MEI4: variants seen among roughly 807,000 people sequenced by gnomAD.
MEI4 encodes meiotic double-stranded break formation protein 4.
MEI4 carries 27 observed loss-of-function variants against 31.4 expected under a neutral mutation model. The ratio of observed to expected loss-of-function variants is 0.86; its 90% CI spans 0.63 to 1.19. MEI4 has a LOEUF of 1.19. Ranked by LOEUF, MEI4 falls within the 50% of genes most tolerant of loss-of-function variation. The probability of loss-of-function intolerance (pLI) is 0.00; values close to 1 mark genes in which losing one functional copy is unlikely to be tolerated. For missense variants in MEI4, 329 were observed against 398.9 expected, an observed-to-expected ratio of 0.82 and a Z score of 1.49; for synonymous variants, 122 against 145.4, an observed-to-expected ratio of 0.84 and a Z score of 1.16.
At chr6:77,840,649 G>C (rs1770335732) in intron 4 of MEI4, among the ~76,000 whole-genome samples, 1 of 151,692 alleles carries the variant, frequency 6.6e-6, no homozygotes, top group Admixed American at 6.6e-5. Context: ...TTAGATTCAT[G>C]GGGTACATGT....
At chr6:77,687,564 A>C (rs983066381) in intron 1 of MEI4, among the ~76,000 whole-genome samples, 9 of 152,128 alleles carry the variant, frequency 5.9e-5, no homozygotes, top group African/African-American at 2.2e-4. Context: ...TTTAAATGCC[A>C]GTTGCAGGTA....
At chr6:77,735,167 T>C (rs973846906) in intron 2 of MEI4, among the ~76,000 whole-genome samples, 4 of 152,062 alleles carry the variant, frequency 2.6e-5, no homozygotes, top group South Asian at 4.1e-4. Context: ...TTTCCTGAAT[T>C]TGAATGTTGG....
intron 2 of MEI4, among the ~76,000 whole-genome samples, chr6:77,713,586 T>C (rs1414737272): frequency 6.6e-6 from 1 of 152,210 alleles, no homozygotes; most frequent in East Asian, 1.9e-4. Context: ...TGAAAGATCC[T>C]CAGTGTGTTA....
chr6:77,871,398 TATC>T (rs1282715353), intron 4 of MEI4, among the ~76,000 whole-genome samples: 3 of 152,262 alleles, frequency 2.0e-5, no homozygotes, highest in South Asian at 2.1e-4. Context: ...TAAATACACA[TATC>T]ATAACATATC....
intron 3 of MEI4, among the ~76,000 whole-genome samples, chr6:77,824,175 C>T (rs533516456): frequency 1.3e-5 from 2 of 152,216 alleles, no homozygotes; most frequent in African/African-American, 2.4e-5. Flanking sequence ...CTGCAACCTC[C>T]ACCTCCTGGG....
chr6:77,892,947 C>T (rs192353975), intron 4 of MEI4, among the ~76,000 whole-genome samples: 17 of 152,118 alleles, frequency 1.1e-4, no homozygotes, highest in African/African-American at 4.1e-4. Flanking sequence ...GTCTCAGGGC[C>T]CACAAGGGCT....
In MEI4 at chr6:77,698,888, G is replaced by A. The variant is rs922447093; in HGVS notation, c.232+7985G>A. On this transcript the variant is annotated intron_variant, in intron 2 of 4. Transcript: ENST00000684080. ...TTTCCAACTTGGTTCCATTCTCCCG[G>A]TCACTTTCAGGTACACCAATCAGAC... 1.9e-4 allele frequency among the ~76,000 whole-genome samples: 29 copies of A among 152,246 alleles called. No homozygotes were observed. In the South Asian group the frequency reaches 3.1e-3, roughly 16 times the overall value.
At chr6:77,760,277 G>A (rs991162226) in intron 2 of MEI4, among the ~76,000 whole-genome samples, 4 of 151,804 alleles carry the variant, frequency 2.6e-5, no homozygotes, top group African/African-American at 9.7e-5. Flanking sequence ...ACAGAGATAT[G>A]TAGATATCTA....
chr6:77,661,416 T>TG (rs1273183168), intron 1 of MEI4, among the ~76,000 whole-genome samples: 2 of 152,040 alleles, frequency 1.3e-5, no homozygotes, highest in Non-Finnish European at 2.9e-5. Context: ...TCAGACCCTG[T>TG]GGGGAAGGCC....
intron 4 of MEI4, among the ~76,000 whole-genome samples, chr6:77,860,832 A>G (rs552011305): frequency 1.4e-4 from 22 of 152,118 alleles, no homozygotes; most frequent in African/African-American, 5.3e-4. Flanking sequence ...AAATGATCTC[A>G]TATCTCTCTC....
At chr6:77,876,183 A>C (rs767804892) in intron 4 of MEI4, among the ~76,000 whole-genome samples, 2 of 152,164 alleles carry the variant, frequency 1.3e-5, no homozygotes, top group Non-Finnish European at 2.9e-5. Context: ...AAAACGCAGA[A>C]TTATACTAAT....
intron 4 of MEI4, among the ~76,000 whole-genome samples, chr6:77,907,677 G>T (rs1378482015): frequency 6.6e-6 from 1 of 152,066 alleles, no homozygotes; most frequent in African/African-American, 2.4e-5. Flanking sequence ...TGGGTCAAAT[G>T]GTATTTCTAG....
intron 3 of MEI4, among the ~76,000 whole-genome samples, chr6:77,824,279 G>C (rs1187049964): frequency 6.6e-6 from 1 of 152,044 alleles, no homozygotes; most frequent in African/African-American, 2.4e-5. Flanking sequence ...TAGTAGAGAT[G>C]TATTTTGTGT....
At position 77,914,298 on chromosome 6, in the gene MEI4, TTTTA is replaced by T. The variant is rs575648197; in HGVS notation, c.901-8787_901-8784del. ...ATGTTTTGATATGTTGCGTATTGAT[TTTTA>T]TTTGTTTCAAGACATTTTTTAATTT... On this transcript the variant is annotated intron_variant, in intron 4 of 4. Transcript: ENST00000684080. 5.3e-3 allele frequency among the ~76,000 whole-genome samples: 802 copies of T among 152,126 alleles called. 8 individuals are homozygous for T. The highest frequency in any genetic ancestry group is 0.018 in the African/African-American group (758 of 41,538).
intron 2 of MEI4, among the ~76,000 whole-genome samples, chr6:77,741,887 G>C (rs1215562567): frequency 6.7e-6 from 1 of 149,880 alleles, no homozygotes; most frequent in Non-Finnish European, 1.5e-5. Context: ...TTTTGTCCTT[G>C]TGACAGTTTA....
At chr6:77,809,148 A>G (rs999327769) in intron 3 of MEI4, among the ~76,000 whole-genome samples, 2 of 152,236 alleles carry the variant, frequency 1.3e-5, no homozygotes, top group African/African-American at 4.8e-5. Context: ...CTTACTCAAC[A>G]TAATTATTGA....
rs60727192 is a variant in MEI4, at chr6:77,827,356, A to G, written c.769-1575A>G. Reference sequence around the variant, plus strand: ...AGCCTGGGTGACAGAGGGAGACTCCATCTTAAAAAAAAAAAAAAAAAAAAA... The same window carrying G: ...AGCCTGGGTGACAGAGGGAGACTCCGTCTTAAAAAAAAAAAAAAAAAAAAA... On this transcript the variant is annotated intron_variant, in intron 3 of 4. Transcript: ENST00000684080. Among the ~76,000 whole-genome samples, 815 of 95,478 alleles carry G rather than the reference A, an allele frequency of 8.5e-3. 9 individuals carry two copies. The highest frequency in any genetic ancestry group is 0.033 in the African/African-American group (779 of 23,740). The allele number at this position is 95,478 out of a possible 152,430, so 62.6% of individuals were successfully genotyped here. A position where few individuals can be genotyped will look rare whatever the true frequency, so the allele number is the denominator to read the frequency against.
At chr6:77,762,192 C>T (rs976997867) in intron 3 of MEI4, among the ~76,000 whole-genome samples, 1 of 151,916 alleles carries the variant, frequency 6.6e-6, no homozygotes, top group Admixed American at 6.6e-5. Context: ...CCCCATGGAC[C>T]CTCTGCAGAT....
At chr6:77,844,461 A>G (rs1261469493) in intron 4 of MEI4, among the ~76,000 whole-genome samples, 2 of 152,156 alleles carry the variant, frequency 1.3e-5, no homozygotes, top group African/African-American at 4.8e-5. Context: ...AATTTCAACA[A>G]TGTTCTGAAG....
Sources: gnomAD v4.1 joint callset for allele counts (sites outside exome capture counted in the v4.1 genomes callset) on GRCh38, gnomAD v4.1.1 for gene constraint, MANE v1.5 for transcripts, NCBI Gene and HGNC (gene_info 2026-07-23, HGNC 2026-07-21) for gene names.